Variants in PRUNE2 observed in about 807,000 individuals in gnomAD.
PRUNE2 encodes the protein prune homolog 2 with BCH domain, also known as protein prune homolog 2.
Under a neutral mutation model 252.0 loss-of-function variants are expected in PRUNE2, and 164 were observed. The observed-to-expected ratio is 0.65, with a 90% CI of 0.57 to 0.74. The LOEUF (loss-of-function observed/expected upper bound fraction) is 0.74. Among genes scored for constraint, PRUNE2 ranks in the 30% least tolerant of loss-of-function variants. PRUNE2 has a pLI of 0.00. For synonymous variants in PRUNE2, 1,292 were observed against 1,350.2 expected (o/e 0.96, Z 0.94); for missense variants, 3,495 against 3,711.0 (o/e 0.94, Z 1.51).
At chr9:76,893,170 A>G (rs1304294584) in intron 1 of PRUNE2, among the ~76,000 whole-genome samples, 8 of 152,188 alleles carry the variant, frequency 5.3e-5, no homozygotes, top group Admixed American at 5.2e-4. Context: ...GCTTGAGCCT[A>G]CAAGTTCAAG....
chr9:76,784,944 G>A (rs1438442123), intron 6 of PRUNE2: 23 of 151,988 alleles, frequency 1.5e-4, no homozygotes, highest in Admixed American at 1.5e-3. Flanking sequence ...AGAATTCAAT[G>A]TTACATGCAG....
At chr9:76,704,493 G>T (rs1032294461) in intron 8 of PRUNE2, among the ~76,000 whole-genome samples, 1 of 152,180 alleles carries the variant, frequency 6.6e-6, no homozygotes, top group South Asian at 2.1e-4. Flanking sequence ...CCAAAGTGCT[G>T]AGATTACAGG....
chr9:76,838,445 G>A (rs2059189171), intron 4 of PRUNE2, among the ~76,000 whole-genome samples: 1 of 151,940 alleles, frequency 6.6e-6, no homozygotes, highest in South Asian at 2.1e-4. Context: ...AGGAGTTCAA[G>A]ACCAGCCTGA....
intron 9 of PRUNE2, among the ~76,000 whole-genome samples, chr9:76,676,083 CAAA>C (rs1173629727): frequency 2.3e-3 from 345 of 147,956 alleles, no homozygotes; most frequent in African/African-American, 7.3e-3. Context: ...AAACCAAAAA[CAAA>C]AAAAACTAAT....
At chr9:76,905,362 C>T (rs2063424417) in intron 1 of PRUNE2, among the ~76,000 whole-genome samples, 1 of 152,132 alleles carries the variant, frequency 6.6e-6, no homozygotes, top group South Asian at 2.1e-4. Flanking sequence ...CTGCCTCCGC[C>T]CCAATTTACA....
chr9:76,879,980 C>A (rs2061686634), intron 1 of PRUNE2, among the ~76,000 whole-genome samples: 1 of 126,138 alleles, frequency 7.9e-6, no homozygotes, highest in African/African-American at 3.1e-5. Flanking sequence ...GTGGTGCAAT[C>A]TCGACTCACT....
intron 1 of PRUNE2, among the ~76,000 whole-genome samples, chr9:76,854,458 T>C (rs1435613974): frequency 6.6e-6 from 1 of 152,212 alleles, no homozygotes; most frequent in Non-Finnish European, 1.5e-5. Flanking sequence ...ACACATAATT[T>C]AACTTCATAT....
chr9:76,863,673 C>G (rs530601844), intron 1 of PRUNE2, among the ~76,000 whole-genome samples: 39 of 152,138 alleles, frequency 2.6e-4, no homozygotes, highest in Non-Finnish European at 2.5e-4. Flanking sequence ...CAATATTTTC[C>G]CCAATCTACC....
At chr9:76,722,090 T>A (rs1173626301) in intron 6 of PRUNE2, among the ~76,000 whole-genome samples, 2 of 152,134 alleles carry the variant, frequency 1.3e-5, no homozygotes, top group Non-Finnish European at 1.5e-5. Context: ...ACAGAGTCTC[T>A]CTTCATTGCC....
intron 1 of PRUNE2, among the ~76,000 whole-genome samples, chr9:76,897,793 T>C (rs34919927): frequency 0.11 from 16,681 of 152,138 alleles, 1,211 homozygotes; most frequent in Admixed American, 0.17. Context: ...TACAAGACCA[T>C]TGTGGGAGTT....
intron 6 of PRUNE2, chr9:76,817,950 C>T (rs80346191): frequency 1.7e-4 from 26 of 152,148 alleles, no homozygotes; most frequent in African/African-American, 6.0e-4. Context: ...AGAGTTTTCA[C>T]ATATTTCTAT....
intron 6 of PRUNE2, among the ~76,000 whole-genome samples, chr9:76,731,325 T>TATATATATATA (rs1491241762): frequency 4.7e-5 from 4 of 84,978 alleles, no homozygotes; most frequent in African/African-American, 2.0e-4. Context: ...TATATATATA[T>TATATATATATA]TTTTTTTTTT....
chr9:76,801,620 T>C (rs905848447), intron 6 of PRUNE2, among the ~76,000 whole-genome samples: 9 of 152,226 alleles, frequency 5.9e-5, no homozygotes, highest in African/African-American at 2.2e-4. Flanking sequence ...TTTCCACTTA[T>C]TGTTAAAAAA....
chr9:76,744,191 G>T (rs1351690972), intron 6 of PRUNE2, among the ~76,000 whole-genome samples: 1 of 152,182 alleles, frequency 6.6e-6, no homozygotes. Context: ...CAAGTTCAGA[G>T]GCTGTGTTAT....
chr9:76,722,129 G>A (rs1274375565), intron 6 of PRUNE2, among the ~76,000 whole-genome samples: 3 of 151,974 alleles, frequency 2.0e-5, no homozygotes, highest in Non-Finnish European at 4.4e-5. Context: ...TGTGATCTCG[G>A]CTCACTGCAA....
At chr9:76,731,314 A>ATCTACC (rs1564171954) in intron 6 of PRUNE2, among the ~76,000 whole-genome samples, 1 of 98,292 alleles carries the variant, frequency 1.0e-5, no homozygotes, top group African/African-American at 4.5e-5. Flanking sequence ...ATCTATCTAT[A>ATCTACC]TATATATATA....
chr9:76,646,215 T>C (rs928467985), intron 11 of PRUNE2, among the ~76,000 whole-genome samples: 9 of 152,140 alleles, frequency 5.9e-5, no homozygotes, highest in African/African-American at 1.4e-4. Context: ...GCTTACAAAC[T>C]TACTCAGAGC....
At position 76,906,062 on chromosome 9, in the gene PRUNE2, G is replaced by A; in HGVS notation, c.-99C>T. ...GGGGTCCCGGGAAAGTGGCCCGCCG[G>A]GGCGCAGCGACCGACTGCTCCCTCC... On this transcript the variant is annotated 5_prime_UTR_variant, in exon 1 of 19. Coordinates refer to ENST00000376718, the MANE Select transcript of PRUNE2 (RefSeq NM_015225.3). The A allele has an allele frequency of 7.4e-7, 1 of 1,347,220 alleles. No individual in the cohort carries two copies. Among genetic ancestry groups the A allele is most frequent in the Non-Finnish European group, 1.1e-6 (1 of 942,200 alleles). The allele number at this position is 1,347,220 out of a possible 1,614,324, so 83.5% of individuals were successfully genotyped here.
intron 6 of PRUNE2, among the ~76,000 whole-genome samples, chr9:76,753,164 G>C (rs1030244670): frequency 1.3e-5 from 2 of 151,986 alleles, no homozygotes; most frequent in Admixed American, 1.3e-4. Flanking sequence ...TGAGTAGCTA[G>C]GACCACAGGC....
Sources: gnomAD v4.1 joint callset for allele counts (sites outside exome capture counted in the v4.1 genomes callset) on GRCh38, gnomAD v4.1.1 for gene constraint, MANE v1.5 for transcripts, NCBI Gene and HGNC (gene_info 2026-07-23, HGNC 2026-07-21) for gene names.